The following NEGR1 variants were observed in gnomAD, a reference collection of about 807,000 sequenced individuals.
NEGR1 encodes IgLON family member 4.
Under a neutral mutation model 40.9 loss-of-function variants are expected in NEGR1, and 10 were observed. That is an observed-to-expected ratio of 0.24 (90% confidence interval 0.15 to 0.42). The LOEUF is 0.42. Ranked by LOEUF, NEGR1 falls within the 10% of genes least tolerant of loss-of-function variation. The pLI is 1.00. For synonymous variants in NEGR1, 185 were observed against 166.8 expected (o/e 1.11, Z -0.84); for missense variants, 352 against 438.9 (o/e 0.80, Z 1.77).
intron 3 of NEGR1, among the ~76,000 whole-genome samples, chr1:71,741,228 A>G (rs1655202778): frequency 6.6e-6 from 1 of 152,186 alleles, no homozygotes; most frequent in Non-Finnish European, 1.5e-5. Context: ...TAGCTGCAGA[A>G]CATGGTACAA....
intron 2 of NEGR1, among the ~76,000 whole-genome samples, chr1:71,806,969 C>T (rs1367703075): frequency 6.0e-5 from 9 of 150,712 alleles, no homozygotes; most frequent in Admixed American, 2.6e-4. Context: ...CTCCGCTTAC[C>T]GCAAGCTCCA....
intron 4 of NEGR1, among the ~76,000 whole-genome samples, chr1:71,673,620 T>G (rs1475080608): frequency 6.6e-6 from 1 of 152,124 alleles, no homozygotes; most frequent in Non-Finnish European, 1.5e-5. Context: ...CCTTAAATAT[T>G]GAAAGTAAAG....
intron 1 of NEGR1, among the ~76,000 whole-genome samples, chr1:72,207,161 TAAAAAA>T (rs939920446): frequency 6.7e-6 from 1 of 149,158 alleles, no homozygotes; most frequent in Non-Finnish European, 1.5e-5. Flanking sequence ...AAAGAAAAGT[TAAAAAA>T]AAACAAAAGT....
intron 1 of NEGR1, among the ~76,000 whole-genome samples, chr1:72,209,619 C>T (rs1236439820): frequency 1.3e-5 from 2 of 151,740 alleles, no homozygotes; most frequent in Non-Finnish European, 2.9e-5. Context: ...TTTTGTACTA[C>T]CGATATGACA....
At chr1:71,782,262 G>A (rs1256657938) in intron 2 of NEGR1, among the ~76,000 whole-genome samples, 1 of 152,076 alleles carries the variant, frequency 6.6e-6, no homozygotes, top group East Asian at 1.9e-4. Context: ...TCATCCATGA[G>A]AAAACAGGCC....
intron 1 of NEGR1, chr1:72,100,749 ATTAGT>A (rs1186454230): frequency 6.6e-6 from 1 of 152,208 alleles, no homozygotes; most frequent in African/African-American, 2.4e-5. Context: ...GTATACCTGT[ATTAGT>A]TTGCTCGGGC....
At position 71,403,554 on chromosome 1, in the gene NEGR1, A is replaced by G. The variant is rs550780835; in HGVS notation, c.*3892T>C. The G allele has an allele frequency of 5.6e-5, 12 of 214,436 alleles. No individual in the cohort carries two copies. Among genetic ancestry groups the G allele is most frequent in the African/African-American group, 2.7e-4 (12 of 44,432 alleles). 13.3% of individuals were successfully genotyped at this position (214,436 alleles called of 1,614,324 possible). The stretch of plus-strand genomic sequence containing the variant: ...TTAGGAATCAGCAACAGCAAGAAAG[A>G]ATATAGTGTGGAGTCATTTGAAACT... On this transcript the variant is annotated 3_prime_UTR_variant, in exon 7 of 7. Transcript: ENST00000357731.
chr1:71,916,648 T>A (rs866428798), intron 2 of NEGR1, among the ~76,000 whole-genome samples: 1 of 152,030 alleles, frequency 6.6e-6, no homozygotes, highest in Non-Finnish European at 1.5e-5. Context: ...CACAGCTACT[T>A]GGGAGGCAGA....
At chr1:71,816,204 T>C (rs1397906685) in intron 2 of NEGR1, among the ~76,000 whole-genome samples, 3 of 152,074 alleles carry the variant, frequency 2.0e-5, no homozygotes, top group Non-Finnish European at 4.4e-5. Context: ...CCTAATTTGC[T>C]TTATTATTAT....
chr1:72,129,603 A>G (rs1453585213), intron 1 of NEGR1, among the ~76,000 whole-genome samples: 1 of 152,184 alleles, frequency 6.6e-6, no homozygotes, highest in Non-Finnish European at 1.5e-5. Flanking sequence ...AAGAAGACAA[A>G]CAGATAAAAG....
chr1:71,935,498 CT>C (rs1645896895), intron 1 of NEGR1, among the ~76,000 whole-genome samples, 187 bp from the exon 2 acceptor site: 1 of 150,044 alleles, frequency 6.7e-6, no homozygotes. Context: ...TGAAACAATA[CT>C]TGTGTACAGT....
At chr1:71,414,310 C>G (rs552698381) in intron 6 of NEGR1, among the ~76,000 whole-genome samples, 18 of 152,296 alleles carry the variant, frequency 1.2e-4, no homozygotes, top group African/African-American at 4.1e-4. Context: ...TAAATCCTCT[C>G]TGAAGCAATA....
At chr1:71,922,826 C>CT (rs1451785887) in intron 2 of NEGR1, among the ~76,000 whole-genome samples, 1 of 152,112 alleles carries the variant, frequency 6.6e-6, no homozygotes, top group African/African-American at 2.4e-5. Flanking sequence ...CTGGGGATTA[C>CT]TTTTTACTTC....
intron 1 of NEGR1, among the ~76,000 whole-genome samples, chr1:72,076,287 G>A (rs1379948604): frequency 6.6e-6 from 1 of 152,114 alleles, no homozygotes; most frequent in African/African-American, 2.4e-5. Context: ...ACCCTGGAGA[G>A]TTAGCTTCTT....
intron 1 of NEGR1, among the ~76,000 whole-genome samples, chr1:71,987,177 G>A (rs1360570931): frequency 1.3e-5 from 2 of 152,032 alleles, no homozygotes; most frequent in Non-Finnish European, 2.9e-5. Flanking sequence ...AAGAGTTAAC[G>A]TCCAATTCCC....
At chr1:71,663,855 TG>T (rs1218437572) in intron 4 of NEGR1, among the ~76,000 whole-genome samples, 1 of 152,346 alleles carries the variant, frequency 6.6e-6, no homozygotes, top group African/African-American at 2.4e-5. Context: ...AGCTTTCCTC[TG>T]CAGGTGGATA....
intron 1 of NEGR1, among the ~76,000 whole-genome samples, chr1:72,189,511 T>G (rs1351741558): frequency 6.6e-6 from 1 of 151,546 alleles, no homozygotes; most frequent in Non-Finnish European, 1.5e-5. Context: ...TTGTCTCTCC[T>G]CACTGTATAT....
At chr1:71,527,395 T>A (rs1647229559) in intron 6 of NEGR1, among the ~76,000 whole-genome samples, 1 of 140,572 alleles carries the variant, frequency 7.1e-6, no homozygotes, top group Non-Finnish European at 1.5e-5. Flanking sequence ...CATCCATCCA[T>A]CCAACCACCA....
At chr1:72,022,857 C>T (rs1334170870) in intron 1 of NEGR1, among the ~76,000 whole-genome samples, 1 of 152,162 alleles carries the variant, frequency 6.6e-6, no homozygotes, top group East Asian at 1.9e-4. Flanking sequence ...AATTGTTTGG[C>T]AAGGTTGCTG....
Sources: gnomAD v4.1 joint callset for allele counts (sites outside exome capture counted in the v4.1 genomes callset) on GRCh38, gnomAD v4.1.1 for gene constraint, MANE v1.5 for transcripts, NCBI Gene and HGNC (gene_info 2026-07-23, HGNC 2026-07-21) for gene names.